Variants in COL11A1 observed in about 807,000 individuals in gnomAD.
COL11A1 encodes the protein collagen alpha-1(XI) chain.
A neutral mutation model predicts 265.2 loss-of-function variants in COL11A1; 74 were observed. The ratio of observed to expected loss-of-function variants is 0.28; its 90% CI spans 0.23 to 0.34. COL11A1 has a LOEUF of 0.34. Among genes scored for constraint, COL11A1 ranks in the 10% least tolerant of loss-of-function variants. COL11A1 has a pLI of 1.00. For missense variants in COL11A1, 2,165 were observed against 2,263.6 expected (o/e 0.96, Z 0.88); for synonymous variants, 816 against 727.6 (o/e 1.12, Z -1.96).
At chr1:102,954,476 A>G (rs1660172874) in intron 41 of COL11A1, among the ~76,000 whole-genome samples, 2 of 152,218 alleles carry the variant, frequency 1.3e-5, no homozygotes, top group Non-Finnish European at 2.9e-5. Flanking sequence ...AAATAGAAGC[A>G]TAAACACATA....
At chr1:102,885,149 G>A (rs970907497) in intron 63 of COL11A1, among the ~76,000 whole-genome samples, 4 of 152,000 alleles carry the variant, frequency 2.6e-5, no homozygotes, top group Admixed American at 6.6e-5. Flanking sequence ...CTGCCTTATC[G>A]AACCTAAGCA....
intron 4 of COL11A1, among the ~76,000 whole-genome samples, chr1:103,051,099 G>T (rs529579560): frequency 1.8e-4 from 28 of 152,332 alleles, no homozygotes; most frequent in Non-Finnish European, 3.2e-4. Context: ...CAAGCTGCGT[G>T]CTGGGTGAAC....
At chr1:103,054,567 G>T (rs1397715789) in intron 4 of COL11A1, among the ~76,000 whole-genome samples, 1 of 151,848 alleles carries the variant, frequency 6.6e-6, no homozygotes, top group Non-Finnish European at 1.5e-5. Context: ...TGAAAAAAGG[G>T]TGTTTTGTTG....
At chr1:103,081,976 TA>T (rs1672452124) in intron 2 of COL11A1, among the ~76,000 whole-genome samples, 1 of 151,988 alleles carries the variant, frequency 6.6e-6, no homozygotes, top group Admixed American at 6.6e-5. Flanking sequence ...AATCAATAGA[TA>T]ACTGGTATGT....
At chr1:102,959,061 T>A (rs959287469) in intron 41 of COL11A1, among the ~76,000 whole-genome samples, 1 of 152,236 alleles carries the variant, frequency 6.6e-6, no homozygotes, top group African/African-American at 2.4e-5. Context: ...GCCCAAGTCA[T>A]CGGCTCACTC....
Position 103,108,202 on chromosome 1 carries a change from G to A in COL11A1, c.-24C>T, listed in dbSNP as rs756690326. The A allele has an allele frequency of 5.8e-5, 93 of 1,601,772 alleles. No homozygotes were observed. The highest frequency in any genetic ancestry group is 7.8e-5 in the Non-Finnish European group (91 of 1,169,820). On this transcript the variant is annotated 5_prime_UTR_variant, in exon 1 of 67. Coordinates refer to ENST00000370096, the MANE Select transcript of COL11A1 (RefSeq NM_001854.4). ...ATCTCCGAGCCCCGCACTCACAACT[G>A]TGAACTCAACCCACGAAATTGCGAC...
chr1:103,008,075 C>A (rs1665786495), intron 15 of COL11A1, among the ~76,000 whole-genome samples: 1 of 151,982 alleles, frequency 6.6e-6, no homozygotes. Flanking sequence ...AAATCCAAAA[C>A]AATTACTGCA....
chr1:103,082,474 A>C (rs962385497), intron 2 of COL11A1, among the ~76,000 whole-genome samples: 2 of 152,096 alleles, frequency 1.3e-5, no homozygotes, highest in African/African-American at 2.4e-5. Flanking sequence ...ACAAGTAGAA[A>C]TAGGCTAGAT....
chr1:102,901,411 C>A (rs1557793922), intron 54 of COL11A1, among the ~76,000 whole-genome samples: 1 of 151,798 alleles, frequency 6.6e-6, no homozygotes, highest in Non-Finnish European at 1.5e-5. Flanking sequence ...GACACTGCAA[C>A]AAGGCCCTTG....
At chr1:102,910,083 G>A (rs1654463652) in intron 54 of COL11A1, among the ~76,000 whole-genome samples, 1 of 151,664 alleles carries the variant, frequency 6.6e-6, no homozygotes, top group Admixed American at 6.6e-5. Flanking sequence ...ATAGTTATAG[G>A]TTTATATATA....
chr1:102,908,548 T>C (rs141961111), intron 54 of COL11A1, among the ~76,000 whole-genome samples: 3,345 of 152,208 alleles, frequency 0.022, 59 homozygotes, highest in Non-Finnish European at 0.037. Flanking sequence ...TGAATTCTGT[T>C]AAATGAGCTA....
At chr1:102,924,977 ATAAT>A (rs1295040315) in intron 46 of COL11A1, among the ~76,000 whole-genome samples, 1 of 151,774 alleles carries the variant, frequency 6.6e-6, no homozygotes, top group Non-Finnish European at 1.5e-5. Context: ...TTTTTAGTGT[ATAAT>A]TATTTATATA....
intron 62 of COL11A1, among the ~76,000 whole-genome samples, chr1:102,888,284 C>T (rs868347019): frequency 3.3e-5 from 5 of 151,964 alleles, no homozygotes; most frequent in Admixed American, 2.6e-4. Context: ...TGTATCTTTA[C>T]GGCATAAAAT....
At chr1:103,068,078 T>C (rs11804114) in intron 4 of COL11A1, among the ~76,000 whole-genome samples, 171 of 151,714 alleles carry the variant, frequency 1.1e-3, no homozygotes, top group African/African-American at 4.0e-3. Flanking sequence ...GAGAGATCAC[T>C]GCACAGATGA....
intron 1 of COL11A1, among the ~76,000 whole-genome samples, chr1:103,106,036 T>C (rs1674663603): frequency 6.6e-6 from 1 of 152,212 alleles, no homozygotes; most frequent in African/African-American, 2.4e-5. Context: ...TATCATTACT[T>C]GGCTTCATAA....
At chr1:102,880,050 T>C (rs1327724388) in intron 65 of COL11A1, 134 bp from the exon 66 acceptor site, 10 of 655,034 alleles carry the variant, frequency 1.5e-5, no homozygotes, top group South Asian at 1.1e-4. Context: ...CTTAACCTAA[T>C]GAAAAAAAGT....
intron 4 of COL11A1, among the ~76,000 whole-genome samples, chr1:103,033,327 C>G (rs570930718): frequency 1.8e-3 from 277 of 150,368 alleles, no homozygotes; most frequent in Non-Finnish European, 3.2e-3. Flanking sequence ...TCCATTACTG[C>G]CTTTTTTGAG....
Position 102,996,026 on chromosome 1 carries a change from T to A in COL11A1, c.2258A>T (p.Gln753Leu), listed in dbSNP as rs1248563085. The A allele has an allele frequency of 6.2e-7, 1 of 1,613,194 alleles. No homozygotes were observed. The highest frequency in any genetic ancestry group is 1.7e-5 in the Admixed American group (1 of 59,894). Residue 753 changes from glutamine to leucine, a missense_variant, in exon 27 of 67, where the codon CAA becomes CTA. Gln to Leu is a moderately radical substitution (Grantham distance 113). Transcript: ENST00000370096. ...GGGGCCCGGGTATCCAATAGGACCTTGTGGACCAGGGGGACCCTGAAATAG... is the reference window on the plus strand; with the variant it reads ...GGGGCCCGGGTATCCAATAGGACCTAGTGGACCAGGGGGACCCTGAAATAG... ...EKGALGPPGP[Q>L]GPIGYPGPRG...
At chr1:103,086,479 C>G (rs570664186) in intron 1 of COL11A1, among the ~76,000 whole-genome samples, 7 of 152,210 alleles carry the variant, frequency 4.6e-5, no homozygotes, top group African/African-American at 1.7e-4. Context: ...TGCAGTGGCG[C>G]GATCTCGGCT....
Sources: allele counts gnomAD v4.1 joint callset (sites outside exome capture counted in the v4.1 genomes callset), GRCh38; gene constraint gnomAD v4.1.1; transcripts MANE v1.5; gene names NCBI Gene and HGNC (gene_info 2026-07-23, HGNC 2026-07-21).